Variants in PCDH11X observed in about 807,000 individuals in gnomAD.
PCDH11X encodes the protein protocadherin-11 X-linked.
Under a neutral mutation model 53.3 loss-of-function variants are expected in PCDH11X, and 18 were observed. That is an observed-to-expected ratio of 0.34 (90% CI 0.23 to 0.50). The LOEUF is 0.50. Ranked by LOEUF, PCDH11X falls within the 20% of genes least tolerant of loss-of-function variation. PCDH11X has a pLI of 0.98. For synonymous variants in PCDH11X, 279 were observed against 393.3 expected (o/e 0.71, Z 3.44); for missense variants, 570 against 1,032.4 (o/e 0.55, Z 6.14).
At chrX:92,466,358 G>A (rs1297684145) in intron 9 of PCDH11X, among the ~76,000 whole-genome samples, 1 of 108,857 alleles carries the variant, frequency 9.2e-6, no homozygotes, top group African/African-American at 3.3e-5. Context: ...ATTACTCTGA[G>A]ATTTAGAGAT....
At chrX:92,332,282 A>G (rs2069508921) in intron 8 of PCDH11X, among the ~76,000 whole-genome samples, 1 of 112,413 alleles carries the variant, frequency 8.9e-6, no homozygotes, top group Non-Finnish European at 1.9e-5. Context: ...TACTTTTGAC[A>G]ATAGCTTTTA....
intron 1 of PCDH11X, among the ~76,000 whole-genome samples, chrX:91,806,123 A>G (rs1420363249): frequency 8.8e-6 from 1 of 113,678 alleles, no homozygotes; most frequent in Non-Finnish European, 1.9e-5. Flanking sequence ...ATCTATTTAT[A>G]ATGAATATTT....
At chrX:92,232,713 A>AT (rs1201500440) in intron 7 of PCDH11X, among the ~76,000 whole-genome samples, 2 of 111,931 alleles carry the variant, frequency 1.8e-5, no homozygotes, top group Admixed American at 9.5e-5. Flanking sequence ...CCTAAATATA[A>AT]TTTTTTTAAA....
At chrX:91,845,456 T>C (rs1303844598) in intron 5 of PCDH11X, among the ~76,000 whole-genome samples, 1 of 107,905 alleles carries the variant, frequency 9.3e-6, no homozygotes, top group Non-Finnish European at 1.9e-5. Flanking sequence ...AAACCCTATG[T>C]AGAAATCTCC....
At chrX:91,791,515 C>T (rs1935535253) in intron 1 of PCDH11X, among the ~76,000 whole-genome samples, 1 of 108,400 alleles carries the variant, frequency 9.2e-6, no homozygotes, top group Non-Finnish European at 1.9e-5. Context: ...AATCCACCCC[C>T]ATGATCCTAT....
At chrX:92,137,534 G>T (rs1226655676) in intron 6 of PCDH11X, among the ~76,000 whole-genome samples, 7 of 111,354 alleles carry the variant, frequency 6.3e-5, no homozygotes, top group Admixed American at 1.9e-4. Flanking sequence ...GAGTCATTGG[G>T]ATATAAATCA....
At chrX:92,553,869 C>T (rs1445493534) in intron 10 of PCDH11X, among the ~76,000 whole-genome samples, 1 of 110,949 alleles carries the variant, frequency 9.0e-6, no homozygotes, top group Non-Finnish European at 1.9e-5. Context: ...CACTGCGTTA[C>T]TCAGAATAGA....
chrX:91,874,935 A>G (rs1939511453), intron 5 of PCDH11X, among the ~76,000 whole-genome samples: 1 of 99,622 alleles, frequency 1.0e-5, no homozygotes, highest in Non-Finnish European at 2.0e-5. Context: ...CTGTTCTTTT[A>G]TGATACAGCA....
At chrX:91,965,003 A>G (rs1174180438) in intron 6 of PCDH11X, among the ~76,000 whole-genome samples, 1 of 111,227 alleles carries the variant, frequency 9.0e-6, no homozygotes, top group Non-Finnish European at 1.9e-5. Context: ...TCAGTGACAG[A>G]TAATTTGTAA....
chrX:92,046,664 T>A (rs1305230707), intron 6 of PCDH11X, among the ~76,000 whole-genome samples: 2 of 105,037 alleles, frequency 1.9e-5, no homozygotes, highest in African/African-American at 4.1e-5. Flanking sequence ...TTTTTTTTTA[T>A]CTGAGAGGAT....
At chrX:92,419,066 G>A (rs1235154656) in intron 9 of PCDH11X, among the ~76,000 whole-genome samples, 1 of 102,562 alleles carries the variant, frequency 9.8e-6, no homozygotes, top group Non-Finnish European at 2.0e-5. Context: ...GTTTTAAGGT[G>A]TATATATATG....
At chrX:92,048,015 T>G (rs2063315584) in intron 6 of PCDH11X, among the ~76,000 whole-genome samples, 1 of 111,124 alleles carries the variant, frequency 9.0e-6, no homozygotes, top group South Asian at 3.8e-4. Context: ...ATGACTTTTT[T>G]CAGGTCAGGC....
At chrX:92,275,306 T>G (rs2068061032) in intron 8 of PCDH11X, among the ~76,000 whole-genome samples, 1 of 101,965 alleles carries the variant, frequency 9.8e-6, no homozygotes, top group Admixed American at 1.1e-4. Context: ...GGATTGAGGT[T>G]TGGGAGATTA....
At chrX:92,502,357 T>A (rs866545874) in intron 10 of PCDH11X, among the ~76,000 whole-genome samples, 1 of 103,790 alleles carries the variant, frequency 9.6e-6, no homozygotes, top group East Asian at 3.0e-4. Context: ...TTCACGGAAT[T>A]AAAAAAAAAA....
chrX:92,067,937 A>G (rs761544539), intron 6 of PCDH11X, among the ~76,000 whole-genome samples: 3 of 110,953 alleles, frequency 2.7e-5, no homozygotes, highest in Admixed American at 9.6e-5. Flanking sequence ...AGGTTTTCCA[A>G]TTTAAAGGCA....
In PCDH11X at chrX:92,433,573, T is replaced by C. The variant is rs755147411; in HGVS notation, c.3344-34726T>C. 8.6e-3 allele frequency among the ~76,000 whole-genome samples: 936 copies of C among 109,372 alleles called. 14 individuals are homozygous for C. Among genetic ancestry groups the C allele is most frequent in the African/African-American group, 0.03 (896 of 30,178 alleles). 95.0% of individuals were successfully genotyped at this position (109,372 alleles called of 115,157 possible). On this transcript the variant is annotated intron_variant, in intron 9 of 10. Transcript: ENST00000682573. ...TGTGAAGAGTAAAGTTGACATGGTG[T>C]TGCCAAAATGTCAGTGTTATGGGAC...
chrX:91,793,832 T>C (rs1471558726), intron 1 of PCDH11X, among the ~76,000 whole-genome samples: 1 of 111,446 alleles, frequency 9.0e-6, no homozygotes, highest in Non-Finnish European at 1.9e-5. Context: ...AAGTTTCTAA[T>C]TTTATTTGAA....
chrX:92,492,770 A>G (rs756587659), intron 10 of PCDH11X, among the ~76,000 whole-genome samples: 6 of 108,923 alleles, frequency 5.5e-5, no homozygotes, highest in Non-Finnish European at 1.1e-4. Flanking sequence ...GATGACAAAT[A>G]GAACTTATGA....
At chrX:92,206,987 C>A in intron 7 of PCDH11X, among the ~76,000 whole-genome samples, 1 of 111,527 alleles carries the variant, frequency 9.0e-6, no homozygotes, top group East Asian at 2.8e-4. Flanking sequence ...TGAGAATGTC[C>A]ATTTCCTTAT....
Sources: allele counts gnomAD v4.1 joint callset (sites outside exome capture counted in the v4.1 genomes callset), GRCh38; gene constraint gnomAD v4.1.1; transcripts MANE v1.5; gene names NCBI Gene and HGNC (gene_info 2026-07-23, HGNC 2026-07-21).